Variants in PDS5B observed in about 807,000 individuals in gnomAD.
PDS5B encodes sister chromatid cohesion protein PDS5 homolog B.
In PDS5B, 51 loss-of-function variants were observed where a neutral mutation model predicts 184.1. The observed-to-expected ratio is 0.28, with a 90% CI of 0.22 to 0.35. PDS5B has a LOEUF of 0.35. PDS5B is among the 10% of genes least tolerant of loss of function. The probability of loss-of-function intolerance (pLI) is 1.00; values close to 1 mark genes in which losing one functional copy is unlikely to be tolerated. For synonymous variants in PDS5B, 566 were observed against 569.2 expected (o/e 0.99, Z 0.08); for missense variants, 1,180 against 1,723.3 (o/e 0.68, Z 5.58).
At chr13:32,683,483 G>A (rs2140808293) in intron 10 of PDS5B, among the ~76,000 whole-genome samples, 1 of 151,944 alleles carries the variant, frequency 6.6e-6, no homozygotes, top group East Asian at 1.9e-4. Flanking sequence ...ACCACCCCTG[G>A]ATAATTTTGT....
chr13:32,687,175 T>G lies in PDS5B; in HGVS notation c.1245T>G (p.Ile415Met). 6.2e-7 allele frequency: 1 copy of G among 1,607,018 alleles called. No homozygotes were observed. The highest frequency in any genetic ancestry group is 1.1e-5 in the South Asian group (1 of 89,044). The change falls in exon 12 of 35, where the codon ATT (isoleucine) becomes ATG (methionine). Residue 415 changes from isoleucine (I) to methionine (M), a missense_variant. Transcript: ENST00000315596. ...AAGCCATGATGGGACTTGCCCAAAT[T>G]TATAAGAAATATGCTTTACAGTCAG... ...RKEAMMGLAQ[I>M]YKKYALQSAA... is the part of the protein sequence containing the mutation.
intron 30 of PDS5B, among the ~76,000 whole-genome samples, chr13:32,762,674 C>T (rs550044074): frequency 7.2e-5 from 11 of 151,852 alleles, no homozygotes; most frequent in African/African-American, 2.4e-4. Context: ...TTGACTCTTC[C>T]CCCCTCTATA....
At chr13:32,756,397 C>T (rs9315178) in intron 26 of PDS5B, among the ~76,000 whole-genome samples, 1,913 of 152,232 alleles carry the variant, frequency 0.013, 40 homozygotes, top group African/African-American at 0.043. Flanking sequence ...GGGCCAAATT[C>T]GTAACTGGGG....
At chr13:32,607,551 ACT>A (rs1295216654) in intron 1 of PDS5B, among the ~76,000 whole-genome samples, 1 of 152,064 alleles carries the variant, frequency 6.6e-6, no homozygotes. Flanking sequence ...CAGAACTCAA[ACT>A]CTGTGCTGGG....
At chr13:32,710,427 A>G (rs1952168163) in intron 19 of PDS5B, among the ~76,000 whole-genome samples, 1 of 152,208 alleles carries the variant, frequency 6.6e-6, no homozygotes, top group African/African-American at 2.4e-5. Context: ...CATCAGGACT[A>G]TCCATAATAT....
intron 1 of PDS5B, among the ~76,000 whole-genome samples, chr13:32,610,094 T>TTA (rs1642127225): frequency 6.6e-6 from 1 of 152,086 alleles, no homozygotes; most frequent in Non-Finnish European, 1.5e-5. Flanking sequence ...CATGAAGAGA[T>TTA]GGTAGAGTAT....
intron 1 of PDS5B, among the ~76,000 whole-genome samples, chr13:32,646,699 T>G (rs1222715564): frequency 6.6e-6 from 1 of 152,162 alleles, no homozygotes; most frequent in Non-Finnish European, 1.5e-5. Flanking sequence ...ATGTTGAAAT[T>G]TAAAAATCTT....
chr13:32,758,384 A>G, intron 27 of PDS5B, 150 bp from the exon 28 acceptor site: 1 of 930,506 alleles, frequency 1.1e-6, no homozygotes, highest in Non-Finnish European at 1.6e-6. Context: ...AAATGAGCAA[A>G]ACCAGTAGTG....
chr13:32,655,327 TC>T (rs1324852865), intron 3 of PDS5B, among the ~76,000 whole-genome samples: 6 of 141,174 alleles, frequency 4.3e-5, no homozygotes, highest in Non-Finnish European at 4.6e-5. Flanking sequence ...ACGTACATCT[TC>T]TTTTGAAAAG....
At chr13:32,606,400 T>C (rs1473515356) in intron 1 of PDS5B, among the ~76,000 whole-genome samples, 1 of 152,198 alleles carries the variant, frequency 6.6e-6, no homozygotes, top group African/African-American at 2.4e-5. Flanking sequence ...TGGCCCCCAC[T>C]CTCTTCTGGC....
intron 19 of PDS5B, among the ~76,000 whole-genome samples, chr13:32,725,696 A>G (rs573548926): frequency 3.9e-5 from 6 of 152,268 alleles, no homozygotes; most frequent in South Asian, 4.1e-4. Context: ...CTGAACTTCA[A>G]TTTTACATTT....
rs35653099 is a variant in PDS5B, at chr13:32,746,717, A to C, written c.2736+617A>C. Among the ~76,000 whole-genome samples the C allele has an allele frequency of 9.9e-3, 1,513 of 152,328 alleles. 13 individuals are homozygous for C. The highest frequency in any genetic ancestry group is 0.014 in the Non-Finnish European group (957 of 68,022). On this transcript the variant is annotated intron_variant, in intron 24 of 34. Coordinates refer to ENST00000315596, the MANE Select transcript of PDS5B (RefSeq NM_015032.4). ...AAAAATGTGGCACTGAATAGACCTC[A>C]AAAAGGACACTGTTTACGTATGAAA...
chr13:32,741,735 G>T (rs1226396650), intron 22 of PDS5B, among the ~76,000 whole-genome samples: 1 of 150,920 alleles, frequency 6.6e-6, no homozygotes, highest in African/African-American at 2.4e-5. Context: ...GTGTGTGTGT[G>T]TGTGTGTATT....
chr13:32,659,574 C>T (rs1273095010), intron 6 of PDS5B, among the ~76,000 whole-genome samples: 2 of 152,030 alleles, frequency 1.3e-5, no homozygotes, highest in Non-Finnish European at 2.9e-5. Flanking sequence ...ACATAACTTA[C>T]TTGTCAGAAG....
At chr13:32,716,324 G>T (rs965172410) in intron 19 of PDS5B, among the ~76,000 whole-genome samples, 1 of 151,848 alleles carries the variant, frequency 6.6e-6, no homozygotes, top group African/African-American at 2.4e-5. Context: ...CCCCATCTGG[G>T]ATGTGAGGAG....
chr13:32,629,192 G>A (rs1329695231), intron 1 of PDS5B, among the ~76,000 whole-genome samples: 1 of 151,874 alleles, frequency 6.6e-6, no homozygotes, highest in African/African-American at 2.4e-5. Flanking sequence ...TTGTTATAAT[G>A]TTTTGGTTAG....
intron 12 of PDS5B, 102 bp downstream of exon 12, chr13:32,687,387 T>A: frequency 1.1e-6 from 1 of 873,992 alleles, no homozygotes; most frequent in Non-Finnish European, 1.7e-6. Context: ...CACTCCTTCC[T>A]CAGTTTTTAG....
intron 15 of PDS5B, among the ~76,000 whole-genome samples, chr13:32,697,730 G>A (rs1406351014): frequency 6.6e-6 from 1 of 152,098 alleles, no homozygotes; most frequent in Admixed American, 6.6e-5. Context: ...GATGTTTAGA[G>A]GTGAGATCTT....
At chr13:32,655,617 C>T (rs776878109) in intron 3 of PDS5B, among the ~76,000 whole-genome samples, 48 of 151,596 alleles carry the variant, frequency 3.2e-4, no homozygotes, top group Non-Finnish European at 4.0e-4. Flanking sequence ...GTGATCTGCC[C>T]GCCTTGGCCT....
Sources: gnomAD v4.1 joint callset for allele counts (sites outside exome capture counted in the v4.1 genomes callset) on GRCh38, gnomAD v4.1.1 for gene constraint, MANE v1.5 for transcripts, NCBI Gene and HGNC (gene_info 2026-07-23, HGNC 2026-07-21) for gene names.